CDK14: variants seen among roughly 807,000 people sequenced by gnomAD.
The protein encoded by CDK14 is cyclin dependent kinase 14, also known as cyclin-dependent kinase 14.
Under a neutral mutation model 60.7 loss-of-function variants are expected in CDK14, and 34 were observed. The observed-to-expected ratio is 0.56, with a 90% CI of 0.43 to 0.75. CDK14 has a LOEUF of 0.75. Among genes scored for constraint, CDK14 ranks in the 30% least tolerant of loss-of-function variants. CDK14 has a pLI of 0.00. For synonymous variants in CDK14, 197 were observed against 203.7 expected (o/e 0.97, Z 0.28); for missense variants, 482 against 564.1 (o/e 0.85, Z 1.47).
At chr7:91,108,183 C>T (rs896268290) in intron 12 of CDK14, among the ~76,000 whole-genome samples, 3 of 152,322 alleles carry the variant, frequency 2.0e-5, no homozygotes, top group Admixed American at 6.5e-5. Context: ...TGGCGCAAGC[C>T]TGTACTCTCA....
At chr7:91,061,407 G>T (rs575089421) in intron 11 of CDK14, among the ~76,000 whole-genome samples, 6 of 152,298 alleles carry the variant, frequency 3.9e-5, no homozygotes, top group African/African-American at 1.2e-4. Context: ...ATTCGTCAAA[G>T]TCATTCTCCA....
At chr7:90,710,288 C>G (rs1584809637) in intron 2 of CDK14, 1 of 985,248 alleles carries the variant, frequency 1.0e-6, no homozygotes, top group East Asian at 1.1e-4. Context: ...CCTTCTGAAA[C>G]TAGTCTTTAT....
At chr7:90,684,821 C>T (rs1353342060) in intron 2 of CDK14, among the ~76,000 whole-genome samples, 1 of 152,040 alleles carries the variant, frequency 6.6e-6, no homozygotes, top group Non-Finnish European at 1.5e-5. Context: ...ATCTACCCAC[C>T]CATGTATCTA....
chr7:90,819,277 C>T (rs1323356472), intron 5 of CDK14, among the ~76,000 whole-genome samples: 1 of 152,060 alleles, frequency 6.6e-6, no homozygotes, highest in Non-Finnish European at 1.5e-5. Flanking sequence ...TCTTTGTTTA[C>T]AAGGAAGTAA....
At chr7:90,665,725 A>C (rs978045419) in intron 2 of CDK14, among the ~76,000 whole-genome samples, 1 of 152,242 alleles carries the variant, frequency 6.6e-6, no homozygotes, top group Non-Finnish European at 1.5e-5. Flanking sequence ...AGAACTACAC[A>C]TTTAAAAATT....
intron 9 of CDK14, among the ~76,000 whole-genome samples, chr7:90,962,813 C>T (rs1301663864): frequency 2.0e-5 from 3 of 152,100 alleles, no homozygotes; most frequent in African/African-American, 7.2e-5. Context: ...GTGCATTCAG[C>T]TGCCTCACTG....
intron 14 of CDK14, among the ~76,000 whole-genome samples, chr7:91,193,895 A>C (rs1802452010): frequency 6.6e-6 from 1 of 152,156 alleles, no homozygotes; most frequent in African/African-American, 2.4e-5. Flanking sequence ...TCAAACATAA[A>C]GCTCTTCTTG....
At chr7:90,755,743 A>G (rs1200062214) in intron 4 of CDK14, among the ~76,000 whole-genome samples, 2 of 152,226 alleles carry the variant, frequency 1.3e-5, no homozygotes, top group Admixed American at 1.3e-4. Context: ...GGAATGTCAA[A>G]GTAATGGTCT....
At chr7:90,754,503 G>GT (rs1803978509) in intron 4 of CDK14, among the ~76,000 whole-genome samples, 1 of 152,096 alleles carries the variant, frequency 6.6e-6, no homozygotes. Context: ...AGATTTAAAC[G>GT]TAAGACCTCG....
chr7:91,062,194 C>T (rs374096680), intron 11 of CDK14, among the ~76,000 whole-genome samples: 28 of 152,258 alleles, frequency 1.8e-4, no homozygotes, highest in East Asian at 9.7e-4. Flanking sequence ...TAGGACCCTC[C>T]GAGCCAGGTG....
At chr7:90,618,645 T>C (rs1799701524) in intron 2 of CDK14, among the ~76,000 whole-genome samples, 1 of 152,154 alleles carries the variant, frequency 6.6e-6, no homozygotes, top group African/African-American at 2.4e-5. Context: ...GTTAGAGATG[T>C]TTTATAATGA....
chr7:91,185,198 A>T (rs1256642639), intron 14 of CDK14, among the ~76,000 whole-genome samples: 3 of 150,182 alleles, frequency 2.0e-5, no homozygotes, highest in African/African-American at 7.4e-5. Context: ...GAGAGTAAAC[A>T]ATGATATAGA....
chr7:90,709,998 T>G, intron 2 of CDK14: 1 of 981,352 alleles, frequency 1.0e-6, no homozygotes, highest in Non-Finnish European at 1.2e-6. Context: ...GGGGTTTTAA[T>G]TTGGAGCATC....
chr7:90,878,809 A>G (rs1427650986), intron 6 of CDK14, among the ~76,000 whole-genome samples: 1 of 152,228 alleles, frequency 6.6e-6, no homozygotes, highest in Non-Finnish European at 1.5e-5. Flanking sequence ...GAAGTAATTG[A>G]GTGAGTTGGT....
At chr7:90,891,726 A>G (rs142862356) in intron 6 of CDK14, among the ~76,000 whole-genome samples, 17 of 152,330 alleles carry the variant, frequency 1.1e-4, no homozygotes, top group East Asian at 3.9e-4. Context: ...GCTATTTTCA[A>G]TGTCACATTT....
chr7:90,645,026 A>G (rs1034409331), intron 2 of CDK14, among the ~76,000 whole-genome samples: 1 of 152,168 alleles, frequency 6.6e-6, no homozygotes, highest in South Asian at 2.1e-4. Flanking sequence ...AAGCTTTTTT[A>G]TTATTATTTT....
chr7:90,918,475 G>C (rs1289074689), intron 8 of CDK14, among the ~76,000 whole-genome samples: 1 of 152,218 alleles, frequency 6.6e-6, no homozygotes, highest in Non-Finnish European at 1.5e-5. Context: ...CATGCTCCTT[G>C]CTAGCTCCCC....
chr7:91,200,272 A>G (rs1802673899), intron 14 of CDK14, among the ~76,000 whole-genome samples: 1 of 152,212 alleles, frequency 6.6e-6, no homozygotes, highest in South Asian at 2.1e-4. Context: ...TATATATACA[A>G]ATATGTGTGT....
chr7:91,039,383 T>C (rs1381705661), intron 10 of CDK14, among the ~76,000 whole-genome samples: 1 of 152,208 alleles, frequency 6.6e-6, no homozygotes, highest in Non-Finnish European at 1.5e-5. Flanking sequence ...CATTTCTGTT[T>C]ATTACATGGA....
Sources: gnomAD v4.1 joint callset for allele counts (sites outside exome capture counted in the v4.1 genomes callset) on GRCh38, gnomAD v4.1.1 for gene constraint, MANE v1.5 for transcripts, NCBI Gene and HGNC (gene_info 2026-07-23, HGNC 2026-07-21) for gene names.